ATP2B4: variants seen among roughly 807,000 people sequenced by gnomAD.
The protein encoded by ATP2B4 is plasma membrane calcium-transporting ATPase 4.
Under a neutral mutation model 110.3 loss-of-function variants are expected in ATP2B4, and 39 were observed. The ratio of observed to expected loss-of-function variants is 0.35; its 90% CI spans 0.27 to 0.46. ATP2B4 has a LOEUF of 0.46. Ranked by LOEUF, ATP2B4 falls within the 20% of genes least tolerant of loss-of-function variation. The probability of loss-of-function intolerance (pLI) is 1.00; values close to 1 mark genes in which losing one functional copy is unlikely to be tolerated. For missense variants in ATP2B4, 1,135 were observed against 1,530.9 expected, an observed-to-expected ratio of 0.74 and a Z score of 4.32; for synonymous variants, 538 against 571.7, an observed-to-expected ratio of 0.94 and a Z score of 0.84.
intron 1 of ATP2B4, among the ~76,000 whole-genome samples, chr1:203,679,979 T>C (rs976193482): frequency 5.3e-5 from 8 of 151,144 alleles, no homozygotes; most frequent in African/African-American, 1.9e-4. Context: ...GAGAATCACT[T>C]GAACCTGGGA....
intron 2 of ATP2B4, among the ~76,000 whole-genome samples, chr1:203,686,685 C>CT (rs779048789): frequency 0.017 from 736 of 42,776 alleles, 68 homozygotes; most frequent in Middle Eastern, 0.077. Flanking sequence ...TCTTTTCTTT[C>CT]TTTTTTTTTT....
rs1291032450 is a variant in ATP2B4 at position 203,742,953 on chromosome 1, G to A, written c.*3099G>A. Reference sequence around the variant, plus strand: ...CAGAATTCTAAATGGATAAAACAATGGCTGGTTCTAGCCCTGAGTGACAGT... The same window carrying A: ...CAGAATTCTAAATGGATAAAACAATAGCTGGTTCTAGCCCTGAGTGACAGT... On this transcript the variant is annotated 3_prime_UTR_variant, in exon 21 of 21. Coordinates refer to ENST00000357681, the MANE Select transcript of ATP2B4 (RefSeq NM_001684.5). 6.6e-6 allele frequency: 1 copy of A among 152,630 alleles called. No individual in the cohort carries two copies. Among genetic ancestry groups the A allele is most frequent in the African/African-American group, 2.4e-5 (1 of 41,438 alleles). 9.5% of individuals were successfully genotyped at this position (152,630 alleles called of 1,614,324 possible). A position where few individuals can be genotyped will look rare whatever the true frequency, so the allele number is the denominator to read the frequency against.
chr1:203,672,850 G>A (rs1571706674), intron 1 of ATP2B4, among the ~76,000 whole-genome samples: 3 of 152,114 alleles, frequency 2.0e-5, no homozygotes, highest in African/African-American at 2.4e-5. Context: ...TGAACCTCAC[G>A]AGGTGGCTTG....
rs573706442 is a variant in ATP2B4 at position 203,739,785 on chromosome 1, G to C, written c.3549G>C (p.Ala1183=). The C allele has an allele frequency of 2.5e-6, 4 of 1,614,004 alleles. No individual in the cohort carries two copies. The highest frequency in any genetic ancestry group is 2.5e-6 in the Non-Finnish European group (3 of 1,180,028). The change falls in exon 21 of 21, where the codon GCG becomes GCC. Residue 1183 remains alanine (A), a synonymous_variant. Transcript: ENST00000357681. The stretch of plus-strand genomic sequence containing the variant: ...CATATGCCAATACAAACAACAATGC[G>C]GTGGATTGCAACCAAGTGCAGCTCC... ...VTPYANTNNN[A]VDCNQVQLPQ...
chr1:203,697,933 A>C (rs1194610950), intron 2 of ATP2B4, among the ~76,000 whole-genome samples: 1 of 151,928 alleles, frequency 6.6e-6, no homozygotes, highest in African/African-American at 2.4e-5. Context: ...TCGAACTCCT[A>C]AACATAAGCA....
intron 1 of ATP2B4, among the ~76,000 whole-genome samples, chr1:203,635,019 G>C (rs922764000): frequency 2.0e-5 from 3 of 151,816 alleles, no homozygotes; most frequent in Non-Finnish European, 4.4e-5. Flanking sequence ...TTGTTGCCCA[G>C]GCTGGAGTGC....
chr1:203,629,983 C>T lies in ATP2B4; in HGVS notation c.-465+2764C>T, dbSNP rs892989473. On this transcript the variant is annotated intron_variant, in intron 1 of 20. Coordinates refer to ENST00000357681, the MANE Select transcript of ATP2B4 (RefSeq NM_001684.5). This position sits in a 1 kb window ranked among gnomAD's most constrained non-coding sequence, Gnocchi z 4.6. ...CGCCGTCTGGCCTCCAGTTTCCCCT[C>T]TGCACAATGGAAAGCCTGCTCTCCA... Among the ~76,000 whole-genome samples, 3 of 152,198 alleles carry T rather than the reference C, an allele frequency of 2.0e-5. No individual in the cohort carries two copies. Among genetic ancestry groups the T allele is most frequent in the African/African-American group, 4.8e-5 (2 of 41,448 alleles).
chr1:203,708,397 G>T (rs755363580), intron 10 of ATP2B4, among the ~76,000 whole-genome samples: 1 of 152,118 alleles, frequency 6.6e-6, no homozygotes, highest in Non-Finnish European at 1.5e-5. Flanking sequence ...GTAGAATTGG[G>T]CTTATCAGAA....
In ATP2B4 at chr1:203,700,878, C is replaced by T. The variant is rs780408852; in HGVS notation, c.856C>T (p.Leu286Phe). Residue 286 changes from leucine to phenylalanine, a missense_variant, in exon 6 of 21, where the codon CTC becomes TTC. Leu to Phe is a conservative substitution (Grantham distance 22). This residue lies in a region of ATP2B4 where 162 missense variants were observed against 210.5 expected (regional missense o/e 0.77). Coordinates refer to ENST00000357681, the MANE Select transcript of ATP2B4 (RefSeq NM_001684.5). ...CTCTCAGACTGGAATCATCCTTACTCTCTTGGGGGTCAATGAGGATGACGA... is the reference window on the plus strand; with the variant it reads ...CTCTCAGACTGGAATCATCCTTACTTTCTTGGGGGTCAATGAGGATGACGA... Reference protein sequence around the residue: ...VNSQTGIILTLLGVNEDDEGE... With the variant: ...VNSQTGIILTFLGVNEDDEGE... 3 of 1,613,784 alleles carry T rather than the reference C, an allele frequency of 1.9e-6. No homozygotes were observed. Among genetic ancestry groups the T allele is most frequent in the Non-Finnish European group, 2.5e-6 (3 of 1,179,794 alleles).
intron 1 of ATP2B4, among the ~76,000 whole-genome samples, chr1:203,673,425 C>A (rs1430035735): frequency 6.6e-6 from 1 of 152,162 alleles, no homozygotes; most frequent in Non-Finnish European, 1.5e-5. Flanking sequence ...AATATGTGAA[C>A]AAGGAAGAAT....
chr1:203,738,397 T>C (rs538034823), intron 20 of ATP2B4, among the ~76,000 whole-genome samples: 2 of 152,298 alleles, frequency 1.3e-5, no homozygotes, highest in East Asian at 3.9e-4. Flanking sequence ...CAAAAGCTGT[T>C]CACAGGCATC....
intron 1 of ATP2B4, among the ~76,000 whole-genome samples, chr1:203,666,309 T>C (rs940792814): frequency 2.4e-4 from 15 of 62,346 alleles, no homozygotes; most frequent in African/African-American, 8.4e-4. Context: ...GGTAGCATTT[T>C]GGTTTCTTAC....
chr1:203,679,512 T>C, intron 1 of ATP2B4, among the ~76,000 whole-genome samples: 1 of 152,206 alleles, frequency 6.6e-6, no homozygotes, highest in East Asian at 1.9e-4. Flanking sequence ...GTTCTAATCT[T>C]ATGCGACCTT....
intron 15 of ATP2B4, among the ~76,000 whole-genome samples, chr1:203,717,348 G>A (rs78379052): frequency 0.016 from 2,426 of 152,178 alleles, 72 homozygotes; most frequent in African/African-American, 0.056. Context: ...GGTGACCAAT[G>A]AGTGGATTTT....
intron 15 of ATP2B4, among the ~76,000 whole-genome samples, chr1:203,719,755 T>TAA (rs60389132): frequency 6.6e-6 from 1 of 151,402 alleles, no homozygotes; most frequent in Admixed American, 6.6e-5. Context: ...AATAAATAAA[T>TAA]GTAATATATT....
At chr1:203,657,345 T>G (rs1664192384) in intron 1 of ATP2B4, 1 of 746,180 alleles carries the variant, frequency 1.3e-6, no homozygotes, top group African/African-American at 1.7e-5. Context: ...TCAAACAACT[T>G]TTAATACGTC....
chr1:203,700,738 C>G, intron 5 of ATP2B4, 60 bp from the exon 6 acceptor site: 1 of 1,600,362 alleles, frequency 6.2e-7, no homozygotes, highest in Non-Finnish European at 8.5e-7. Context: ...GTGTTTCATA[C>G]CAAATCATGT....
rs147729934 is a variant in ATP2B4, at chr1:203,711,058, G to A, written c.1981G>A (p.Glu661Lys). 2,263 of 1,614,140 alleles carry A rather than the reference G, an allele frequency of 1.4e-3. 5 individuals are homozygous for A. Among genetic ancestry groups the A allele is most frequent in the Non-Finnish European group, 1.4e-3 (1,609 of 1,180,020 alleles). Residue 661 changes from glutamate to lysine, a missense_variant, in exon 12 of 21, where the codon GAA becomes AAA. This residue lies in a region of ATP2B4 where 368 missense variants were observed against 455.9 expected (regional missense o/e 0.81). Transcript: ENST00000357681. ...GGACAATGAGAATGAGATCCTCACC[G>A]AACTGACCTGTATCGCGGTGGTGGG... ...SWDNENEILT[E>K]LTCIAVVGIE...
intron 19 of ATP2B4, among the ~76,000 whole-genome samples, chr1:203,726,505 A>C (rs374361259): frequency 6.6e-6 from 1 of 152,010 alleles, no homozygotes; most frequent in Admixed American, 6.6e-5. Flanking sequence ...TGTTGTTTGA[A>C]ACTCTGTTCT....
Sources: gnomAD v4.1 joint callset for allele counts (sites outside exome capture counted in the v4.1 genomes callset) on GRCh38, gnomAD v4.1.1 for gene constraint, gnomAD v4.1.1 regional missense constraint, Gnocchi (gnomAD v3.1) non-coding constraint, MANE v1.5 for transcripts, NCBI Gene and HGNC (gene_info 2026-07-23, HGNC 2026-07-21) for gene names.